Variants in YTHDC2 observed in about 807,000 individuals in gnomAD.
YTHDC2 encodes the protein 3'-5' RNA helicase YTHDC2.
A neutral mutation model predicts 174.9 loss-of-function variants in YTHDC2; 45 were observed. The ratio of observed to expected loss-of-function variants is 0.26; its 90% CI spans 0.20 to 0.33. The LOEUF is 0.33. YTHDC2 is among the 10% of genes least tolerant of loss of function. The pLI is 1.00. For missense variants in YTHDC2, 1,650 were observed against 1,723.7 expected (o/e 0.96, Z 0.76); for synonymous variants, 657 against 574.5 (o/e 1.14, Z -2.05).
intron 10 of YTHDC2, among the ~76,000 whole-genome samples, chr5:113,542,840 G>A (rs1160099387): frequency 6.6e-6 from 1 of 152,108 alleles, no homozygotes; most frequent in East Asian, 1.9e-4. Flanking sequence ...TAGATGTCAA[G>A]TATTTATTAT....
intron 5 of YTHDC2, among the ~76,000 whole-genome samples, chr5:113,533,785 T>A (rs1310333229): frequency 6.6e-6 from 1 of 152,188 alleles, no homozygotes; most frequent in Non-Finnish European, 1.5e-5. Flanking sequence ...CTAAAACTTT[T>A]TGAGTGCCAA....
At chr5:113,554,171 T>C in intron 16 of YTHDC2, 149 bp downstream of exon 16, 1 of 591,902 alleles carries the variant, frequency 1.7e-6, no homozygotes, top group Non-Finnish European at 2.6e-6. Flanking sequence ...ATAAGCAGAA[T>C]TTACGAAAAA....
At chr5:113,534,236 A>T in intron 5 of YTHDC2, 69 bp from the exon 6 acceptor site, 1 of 1,149,368 alleles carries the variant, frequency 8.7e-7, no homozygotes, top group Non-Finnish European at 1.3e-6. Context: ...GCCAGCATTT[A>T]ATGTGATTAT....
In YTHDC2 at chr5:113,513,739, C is replaced by G; in HGVS notation, c.-157C>G. ...ATCAATGGCGCAGGCTTCACTTCTGCTGTGGCGGTGACTGAGGCCTTTCTG... is the reference window on the plus strand; with the variant it reads ...ATCAATGGCGCAGGCTTCACTTCTGGTGTGGCGGTGACTGAGGCCTTTCTG... On this transcript the variant is annotated 5_prime_UTR_variant, in exon 1 of 30. Coordinates refer to ENST00000161863, the MANE Select transcript of YTHDC2 (RefSeq NM_022828.5). 5 of 746,338 alleles carry G rather than the reference C, an allele frequency of 6.7e-6. No homozygotes were observed. Among genetic ancestry groups the G allele is most frequent in the Non-Finnish European group, 1.0e-5 (5 of 490,300 alleles). The allele number at this position is 746,338 out of a possible 1,614,324, so 46.2% of individuals were successfully genotyped here. A position where few individuals can be genotyped will look rare whatever the true frequency, so the allele number is the denominator to read the frequency against.
At chr5:113,516,016 G>C (rs963972695) in intron 2 of YTHDC2, among the ~76,000 whole-genome samples, 3 of 152,186 alleles carry the variant, frequency 2.0e-5, no homozygotes, top group Non-Finnish European at 2.9e-5. Context: ...CTTCTCGATT[G>C]CCTTCAGCTC....
intron 10 of YTHDC2, among the ~76,000 whole-genome samples, chr5:113,545,300 T>TC (rs1409093874): frequency 6.6e-6 from 1 of 152,186 alleles, no homozygotes; most frequent in Non-Finnish European, 1.5e-5. Context: ...ACTTTTTTTT[T>TC]CTCTTTGTAA....
At chr5:113,550,486 T>G (rs912417674) in intron 12 of YTHDC2, among the ~76,000 whole-genome samples, 1 of 152,150 alleles carries the variant, frequency 6.6e-6, no homozygotes, top group African/African-American at 2.4e-5. Context: ...CCAGTCATAG[T>G]AAAGTAAAGG....
At chr5:113,574,273 T>C (rs559267328) in intron 23 of YTHDC2, among the ~76,000 whole-genome samples, 2 of 152,250 alleles carry the variant, frequency 1.3e-5, no homozygotes, top group South Asian at 4.2e-4. Flanking sequence ...GTTTTTCCTG[T>C]ACCTGGAGGT....
rs1486369089 is a variant in YTHDC2 at position 113,542,222 on chromosome 5, A to G, written c.1360-146A>G. ...TGTATTGTGAGTGATAATGTTTGTG[A>G]TGAAAGGAGAAATTTTTTATGTCAA... On this transcript the variant is annotated intron_variant, in intron 9 of 29. Transcript: ENST00000161863. 7 of 765,526 alleles carry G rather than the reference A, an allele frequency of 9.1e-6. No homozygotes were observed. The Admixed American group carries it at 2.1e-4, about 23-fold the overall frequency. The allele number at this position is 765,526 out of a possible 1,614,324, so 47.4% of individuals were successfully genotyped here.
rs779348612 is a variant in YTHDC2 at position 113,591,060 on chromosome 5, C to T, written c.3845C>T (p.Pro1282Leu). ...TTATAGGGCTCAAAATCTCCTTCGCCAAGACCAAACATGCCTGTTCGATAC... is the reference window on the plus strand; with the variant it reads ...TTATAGGGCTCAAAATCTCCTTCGCTAAGACCAAACATGCCTGTTCGATAC... Reference protein sequence around the residue: ...SSGKGSKSPSPRPNMPVRYFI... With the variant: ...SSGKGSKSPSLRPNMPVRYFI... Residue 1282 changes from proline to leucine, a missense_variant, in exon 27 of 30, where the codon CCA becomes CTA. Physicochemically the swap from Pro to Leu is moderately conservative, Grantham distance 98. Transcript: ENST00000161863. 6.2e-7 allele frequency: 1 copy of T among 1,613,720 alleles called. No individual in the cohort carries two copies. Among genetic ancestry groups the T allele is most frequent in the Non-Finnish European group, 8.5e-7 (1 of 1,179,804 alleles).
chr5:113,528,883 C>T (rs1324867294), intron 4 of YTHDC2, among the ~76,000 whole-genome samples: 1 of 151,918 alleles, frequency 6.6e-6, no homozygotes, highest in African/African-American at 2.4e-5. Flanking sequence ...AATATATGCT[C>T]GTGGGTTTTT....
At chr5:113,559,983 G>T (rs1776851203) in intron 17 of YTHDC2, among the ~76,000 whole-genome samples, 1 of 152,210 alleles carries the variant, frequency 6.6e-6, no homozygotes, top group Admixed American at 6.5e-5. Flanking sequence ...AGTAACTTCT[G>T]CTTATTATGA....
chr5:113,590,934 T>G (rs933447196), intron 26 of YTHDC2, 107 bp from the exon 27 acceptor site: 4 of 893,772 alleles, frequency 4.5e-6, no homozygotes, highest in Non-Finnish European at 6.7e-6. Context: ...TTGTTGAATA[T>G]ATGATAAAAT....
In YTHDC2 at chr5:113,549,005, T is replaced by G; in HGVS notation, c.1673T>G (p.Leu558Arg). ...TTTGGGCAGACTGAAATTGTGGATC[T>G]TCTAGAATCTTACAGGTAAAACTTT... ...KHFGQTEIVD[L>R]LESYSATLEF... The change falls in exon 12 of 30, where the codon CTT becomes CGT. Residue 558 changes from leucine (L) to arginine (R), a missense_variant. Physicochemically the swap from Leu to Arg is moderately radical, Grantham distance 102. Transcript: ENST00000161863. 1.1e-5 allele frequency: 17 copies of G among 1,612,734 alleles called. No individual in the cohort carries two copies. The highest frequency in any genetic ancestry group is 1.4e-5 in the Non-Finnish European group (17 of 1,179,170).
In YTHDC2 at chr5:113,595,064, A is replaced by C. The variant is rs777153181; in HGVS notation, c.*1590A>C. On this transcript the variant is annotated 3_prime_UTR_variant, in exon 30 of 30. Transcript: ENST00000161863. The stretch of plus-strand genomic sequence containing the variant: ...AACTTGTGTTTCCCTGATAATGTGT[A>C]CATTTTTTAGGCATGTACTTAATAG... The C allele has an allele frequency of 6.6e-6, 1 of 152,060 alleles. No homozygotes were observed. Among genetic ancestry groups the C allele is most frequent in the Non-Finnish European group, 1.5e-5 (1 of 68,002 alleles). The allele number at this position is 152,060 out of a possible 1,614,324, so 9.4% of individuals were successfully genotyped here.
intron 4 of YTHDC2, among the ~76,000 whole-genome samples, chr5:113,528,118 G>A (rs761022525): frequency 8.5e-5 from 13 of 152,086 alleles, no homozygotes; most frequent in African/African-American, 1.7e-4. Context: ...TGGAAGTTTC[G>A]ATAAAATGTA....
chr5:113,515,448 T>C lies in YTHDC2; in HGVS notation c.278+86T>C, dbSNP rs1017721251. 6 of 1,080,774 alleles carry C rather than the reference T, an allele frequency of 5.6e-6. No homozygotes were observed. In the African/African-American group the frequency reaches 9.6e-5, roughly 17 times the overall value. 66.9% of individuals were successfully genotyped at this position (1,080,774 alleles called of 1,614,324 possible). A position where few individuals can be genotyped will look rare whatever the true frequency, so the allele number is the denominator to read the frequency against. On this transcript the variant is annotated intron_variant, in intron 2 of 29. Coordinates refer to ENST00000161863, the MANE Select transcript of YTHDC2 (RefSeq NM_022828.5). ...ACGTTTCTGAGTACATTTAAGTACT[T>C]ATTACTGTTTTAACTTCACATTCTT... is the stretch of plus-strand genomic sequence containing the variant.
chr5:113,529,799 T>G (rs1259319128), intron 4 of YTHDC2, among the ~76,000 whole-genome samples: 1 of 152,218 alleles, frequency 6.6e-6, no homozygotes, highest in African/African-American at 2.4e-5. Context: ...TGTTTACTTT[T>G]TACCTTTGTT....
At position 113,593,364 on chromosome 5, in the gene YTHDC2, A is replaced by G. The variant is rs1256338591; in HGVS notation, c.4274A>G (p.Glu1425Gly). 6.2e-7 allele frequency: 1 copy of G among 1,612,362 alleles called. No homozygotes were observed. Among genetic ancestry groups the G allele is most frequent in the Non-Finnish European group, 8.5e-7 (1 of 1,178,826 alleles). The stretch of plus-strand genomic sequence containing the variant: ...TTATGGGAACGTCTTCCCTTGGGAG[A>G]AAAAAACACAACTGATTGACACTCA... ...LQLWERLPLG[E>G]KNTTD is the part of the protein sequence containing the mutation. The change falls in exon 29 of 30, where the codon GAA becomes GGA. Residue 1425 changes from glutamate to glycine, a missense_variant. This residue lies in a region of YTHDC2 where 913 missense variants were observed against 940.4 expected (regional missense o/e 0.97). Coordinates refer to ENST00000161863, the MANE Select transcript of YTHDC2 (RefSeq NM_022828.5).
Sources: gnomAD v4.1 joint callset for allele counts (sites outside exome capture counted in the v4.1 genomes callset) on GRCh38, gnomAD v4.1.1 for gene constraint, gnomAD v4.1.1 regional missense constraint, MANE v1.5 for transcripts, NCBI Gene and HGNC (gene_info 2026-07-23, HGNC 2026-07-21) for gene names.